Variants in GPHN observed in about 807,000 individuals in gnomAD.
The protein encoded by GPHN is gephyrin.
A neutral mutation model predicts 95.5 loss-of-function variants in GPHN; 17 were observed. The ratio of observed to expected loss-of-function variants is 0.18; its 90% CI spans 0.12 to 0.27. GPHN has a LOEUF of 0.27. Among genes scored for constraint, GPHN ranks in the 10% least tolerant of loss-of-function variants. GPHN has a pLI of 1.00. For synonymous variants in GPHN, 320 were observed against 322.5 expected (o/e 0.99, Z 0.08); for missense variants, 660 against 978.1 (o/e 0.67, Z 4.34).
intron 4 of GPHN, among the ~76,000 whole-genome samples, chr14:66,848,020 A>G (rs924196459): frequency 1.3e-5 from 2 of 152,074 alleles, no homozygotes; most frequent in African/African-American, 4.8e-5. Context: ...ACAATCTTTA[A>G]TTTTATGAAC....
At chr14:67,729,204 C>T in the GPHN span, 5 of 1,612,732 alleles carry the variant, frequency 3.1e-6, no homozygotes, top group Non-Finnish European at 4.2e-6. Context: ...CCGGGGTCAC[C>T]ACCTACGCAG....
At chr14:66,893,665 T>A (rs1280576988) in intron 5 of GPHN, among the ~76,000 whole-genome samples, 1 of 152,210 alleles carries the variant, frequency 6.6e-6, no homozygotes, top group Admixed American at 6.5e-5. Context: ...TTCAGCAAAG[T>A]CTTAGGATAC....
chr14:67,606,354 A>G, the GPHN span, among the ~76,000 whole-genome samples: 2 of 152,214 alleles, frequency 1.3e-5, no homozygotes, highest in African/African-American at 4.8e-5. Flanking sequence ...TTTATGTGGA[A>G]TGTTTCTCTT....
intron 1 of GPHN, among the ~76,000 whole-genome samples, chr14:66,637,531 A>G (rs1257169207): frequency 2.0e-5 from 3 of 152,152 alleles, no homozygotes; most frequent in Non-Finnish European, 2.9e-5. Flanking sequence ...TGCATACTAG[A>G]GACTTTTTTA....
At chr14:67,562,711 C>A in the GPHN span, 1 of 1,613,060 alleles carries the variant, frequency 6.2e-7, no homozygotes, top group Non-Finnish European at 8.5e-7. Flanking sequence ...ACCCCTCTGG[C>A]CTTCCTGAGC....
the GPHN span, among the ~76,000 whole-genome samples, chr14:67,373,342 GA>G: frequency 2.6e-5 from 4 of 152,110 alleles, no homozygotes; most frequent in Non-Finnish European, 5.9e-5. Context: ...AATTTTTAAT[GA>G]AAAAGAATGC....
At chr14:66,567,511 G>T (rs1322815587) in intron 1 of GPHN, among the ~76,000 whole-genome samples, 1 of 152,166 alleles carries the variant, frequency 6.6e-6, no homozygotes, top group Non-Finnish European at 1.5e-5. Context: ...AGAGTACATT[G>T]TGGGTTCTCA....
chr14:66,632,180 T>C (rs1242873836), intron 1 of GPHN, among the ~76,000 whole-genome samples: 1 of 152,130 alleles, frequency 6.6e-6, no homozygotes, highest in Admixed American at 6.5e-5. Flanking sequence ...GGCAAAATGA[T>C]TAGATTAAAT....
chr14:66,675,836 A>G lies in GPHN; in HGVS notation c.65-5271A>G, dbSNP rs1334405125. On this transcript the variant is annotated intron_variant, in intron 1 of 22. Coordinates refer to ENST00000478722, the MANE Select transcript of GPHN (RefSeq NM_020806.5). ...TCTGCATATAAATATCCAATTTTCC[A>G]ACACCATTTAGATATTTTATTCTTT... Among the ~76,000 whole-genome samples, 4 of 152,100 alleles carry G rather than the reference A, an allele frequency of 2.6e-5. No homozygotes were observed. The South Asian group carries it at 6.2e-4, about 24-fold the overall frequency.
the GPHN span, among the ~76,000 whole-genome samples, chr14:67,477,965 T>C: frequency 6.6e-6 from 1 of 152,082 alleles, no homozygotes; most frequent in African/African-American, 2.4e-5. Context: ...TGGTTCAGCA[T>C]AGTATTCCCA....
intron 9 of GPHN, among the ~76,000 whole-genome samples, chr14:66,971,429 A>G (rs2069769379): frequency 6.6e-6 from 1 of 152,202 alleles, no homozygotes; most frequent in African/African-American, 2.4e-5. Context: ...TCTGAAAATA[A>G]TGGCATTGTT....
chr14:66,729,354 A>G (rs1162138990), intron 2 of GPHN, among the ~76,000 whole-genome samples: 1 of 152,230 alleles, frequency 6.6e-6, no homozygotes. Flanking sequence ...AGTATTTCAG[A>G]TAAGGGATGT....
chr14:67,059,125 T>A (rs1420804619), intron 11 of GPHN: 1 of 367,890 alleles, frequency 2.7e-6, no homozygotes, highest in Non-Finnish European at 4.8e-6. Flanking sequence ...AGTAGTTAAC[T>A]CTGAGTCTGT....
chr14:66,557,973 A>T (rs1483591498), intron 1 of GPHN, among the ~76,000 whole-genome samples: 1 of 152,180 alleles, frequency 6.6e-6, no homozygotes, highest in African/African-American at 2.4e-5. Flanking sequence ...TATGGTGCTA[A>T]TTACTATTCA....
chr14:66,950,744 T>C (rs2153578617), intron 8 of GPHN, among the ~76,000 whole-genome samples: 1 of 152,184 alleles, frequency 6.6e-6, no homozygotes, highest in East Asian at 1.9e-4. Flanking sequence ...AAAAAGAAAA[T>C]GAAACATAGA....
intron 17 of GPHN, among the ~76,000 whole-genome samples, chr14:67,133,253 C>G (rs749696913): frequency 6.6e-6 from 1 of 152,148 alleles, no homozygotes; most frequent in Non-Finnish European, 1.5e-5. Context: ...TTAATCCACA[C>G]ATCCTAGACT....
At chr14:66,944,640 A>C (rs946817494) in intron 8 of GPHN, among the ~76,000 whole-genome samples, 1 of 152,270 alleles carries the variant, frequency 6.6e-6, no homozygotes, top group Non-Finnish European at 1.5e-5. Context: ...GACCCTGTGG[A>C]GAAAAGGAAA....
chr14:67,298,307 A>G, the GPHN span, among the ~76,000 whole-genome samples: 1 of 152,156 alleles, frequency 6.6e-6, no homozygotes, highest in Admixed American at 6.5e-5. Context: ...TGAGGTCAGG[A>G]GTTCGAGACT....
chr14:67,639,902 A>C, the GPHN span, among the ~76,000 whole-genome samples: 3 of 137,902 alleles, frequency 2.2e-5, no homozygotes, highest in African/African-American at 8.2e-5. Context: ...TCCAGCCTGC[A>C]TGATAGCGCA....
Sources: allele counts gnomAD v4.1 joint callset (sites outside exome capture counted in the v4.1 genomes callset), GRCh38; gene constraint gnomAD v4.1.1; transcripts MANE v1.5; gene names NCBI Gene and HGNC (gene_info 2026-07-23, HGNC 2026-07-21).